CEP63: variants seen among roughly 807,000 people sequenced by gnomAD.
The protein encoded by CEP63 is centrosomal protein 63.
A neutral mutation model predicts 89.1 loss-of-function variants in CEP63; 84 were observed. That is an observed-to-expected ratio of 0.94 (90% CI 0.79 to 1.13). The LOEUF (loss-of-function observed/expected upper bound fraction) is 1.13, where lower values mean the gene tolerates loss of function less well. CEP63 is among the 50% of genes most tolerant of loss of function. The pLI is 0.00. For synonymous variants in CEP63, 267 were observed against 272.5 expected (o/e 0.98, Z 0.20); for missense variants, 838 against 813.3 (o/e 1.03, Z -0.37).
chr3:134,511,362 T>A lies in CEP63; in HGVS notation c.222+4076T>A, dbSNP rs114857608. ...TTGACTTCTCTGTGGATTTCCACTCTTTGCCTTTTTGACTTCTCCATACTC... is the reference window on the plus strand; with the variant it reads ...TTGACTTCTCTGTGGATTTCCACTCATTGCCTTTTTGACTTCTCCATACTC... On this transcript the variant is annotated intron_variant, in intron 3 of 14. Transcript: ENST00000675561. 421 of 155,984 alleles carry A rather than the reference T, an allele frequency of 2.7e-3. 3 individuals are homozygous for A. The highest frequency in any genetic ancestry group is 9.5e-3 in the African/African-American group (395 of 41,586). 9.7% of individuals were successfully genotyped at this position (155,984 alleles called of 1,614,324 possible). A position where few individuals can be genotyped will look rare whatever the true frequency, so the allele number is the denominator to read the frequency against.
At chr3:134,759,419 G>A in the CEP63 span, among the ~76,000 whole-genome samples, 7 of 152,188 alleles carry the variant, frequency 4.6e-5, no homozygotes, top group African/African-American at 9.7e-5. Flanking sequence ...AACAGAAACC[G>A]TGCTCTTGTC....
chr3:134,540,431 G>A (rs1468798965), intron 6 of CEP63, among the ~76,000 whole-genome samples: 1 of 151,966 alleles, frequency 6.6e-6, no homozygotes, highest in African/African-American at 2.4e-5. Context: ...TTAGGAAATG[G>A]CCCTAGAATT....
chr3:134,559,499 T>C (rs1422616714), intron 14 of CEP63, 70 bp downstream of exon 14: 2 of 1,336,864 alleles, frequency 1.5e-6, no homozygotes, highest in African/African-American at 2.9e-5. Context: ...ATTTTAAGGG[T>C]GAAGAAGGTG....
At chr3:134,743,882 A>G in the CEP63 span, among the ~76,000 whole-genome samples, 1 of 152,334 alleles carries the variant, frequency 6.6e-6, no homozygotes, top group African/African-American at 2.4e-5. Context: ...TTTCTAAGAT[A>G]AGTCCCTGCA....
chr3:134,782,087 A>G, the CEP63 span, among the ~76,000 whole-genome samples: 6 of 152,224 alleles, frequency 3.9e-5, no homozygotes, highest in Admixed American at 2.6e-4. Flanking sequence ...TTAAGTTGTG[A>G]AAATGTTCTG....
chr3:134,500,293 G>A (rs1390493255), intron 2 of CEP63, among the ~76,000 whole-genome samples: 2 of 152,160 alleles, frequency 1.3e-5, no homozygotes, highest in African/African-American at 4.8e-5. Flanking sequence ...TTATGGCTGT[G>A]TAGTATTCCA....
intron 9 of CEP63, among the ~76,000 whole-genome samples, 155 bp downstream of exon 9, chr3:134,547,627 T>TTTTTTTTTTTTTTTTTTTTTTTTTTTTTG (rs1953790874): frequency 8.0e-6 from 1 of 124,796 alleles, no homozygotes. Context: ...TTTTTTTTTT[T>TTTTTTTTTTTTTTTTTTTTTTTTTTTTTG]TTGAGACGGA....
the CEP63 span, among the ~76,000 whole-genome samples, chr3:134,742,299 A>G: frequency 6.6e-6 from 1 of 151,826 alleles, no homozygotes; most frequent in Non-Finnish European, 1.5e-5. Context: ...TTTCCTTCCC[A>G]CTAAAGCACA....
At chr3:134,772,937 T>A in the CEP63 span, among the ~76,000 whole-genome samples, 1 of 152,166 alleles carries the variant, frequency 6.6e-6, no homozygotes, top group African/African-American at 2.4e-5. Flanking sequence ...GGAGAGCTAT[T>A]TGGGCTGGTG....
the CEP63 span, among the ~76,000 whole-genome samples, chr3:134,734,677 A>T: frequency 2.0e-5 from 3 of 152,192 alleles, no homozygotes; most frequent in Non-Finnish European, 4.4e-5. Flanking sequence ...ACAGAAAATC[A>T]AAATTGTCTG....
chr3:134,643,304 C>T, the CEP63 span: 19 of 1,613,378 alleles, frequency 1.2e-5, no homozygotes, highest in Middle Eastern at 1.7e-4. Context: ...CGGCTAGCGG[C>T]GAATCACTTA....
chr3:134,683,817 C>A, the CEP63 span, among the ~76,000 whole-genome samples: 1 of 152,076 alleles, frequency 6.6e-6, no homozygotes, highest in East Asian at 1.9e-4. Flanking sequence ...AAAAGATCCT[C>A]CCCCTTCCCA....
At chr3:134,526,654 T>G (rs1247815014) in intron 3 of CEP63, among the ~76,000 whole-genome samples, 1 of 152,166 alleles carries the variant, frequency 6.6e-6, no homozygotes, top group East Asian at 1.9e-4. Context: ...GTGATATGGT[T>G]GTTTGGAGGA....
the CEP63 span, chr3:134,629,729 G>C: frequency 7.1e-7 from 1 of 1,409,454 alleles, no homozygotes. Context: ...TTCTCAACCA[G>C]ATGCTGCCAG....
At chr3:134,573,956 G>A (rs1051189991) in intron 11 of CEP63, among the ~76,000 whole-genome samples, 2 of 152,208 alleles carry the variant, frequency 1.3e-5, no homozygotes, top group Non-Finnish European at 2.9e-5. Context: ...CTGGGATGGT[G>A]AGTGCTCTTC....
the CEP63 span, among the ~76,000 whole-genome samples, chr3:134,756,183 C>G: frequency 6.6e-6 from 1 of 152,236 alleles, no homozygotes; most frequent in Admixed American, 6.5e-5. Context: ...TTCTGGACTT[C>G]TATGTTGTAG....
chr3:134,610,738 A>G, the CEP63 span: 11 of 196,454 alleles, frequency 5.6e-5, no homozygotes, highest in African/African-American at 2.1e-4. Context: ...GGCAAGCGTG[A>G]GGCTGGCTTC....
At chr3:134,764,188 G>A in the CEP63 span, among the ~76,000 whole-genome samples, 2,208 of 152,248 alleles carry the variant, frequency 0.015, 28 homozygotes, top group Non-Finnish European at 0.024. Context: ...CACATTCCTA[G>A]TCTTTAAAGA....
downstream of CEP63, among the ~76,000 whole-genome samples, chr3:134,579,383 C>T (rs558498250): frequency 5.3e-5 from 8 of 152,272 alleles, no homozygotes; most frequent in East Asian, 1.2e-3. Context: ...AGTGGCTAAG[C>T]TATTTTATAT....
Sources: allele counts gnomAD v4.1 joint callset (sites outside exome capture counted in the v4.1 genomes callset), GRCh38; gene constraint gnomAD v4.1.1; transcripts MANE v1.5; gene names NCBI Gene and HGNC (gene_info 2026-07-23, HGNC 2026-07-21).